Variants in PARN observed in about 807,000 individuals in gnomAD.
PARN encodes poly(A)-specific ribonuclease, also known as poly(A)-specific ribonuclease PARN.
Under a neutral mutation model 102.8 loss-of-function variants are expected in PARN, and 71 were observed. That is an observed-to-expected ratio of 0.69 (90% CI 0.57 to 0.84). PARN has a LOEUF of 0.84. PARN is among the 40% of genes least tolerant of loss of function. PARN has a pLI of 0.00. For synonymous variants in PARN, 261 were observed against 252.9 expected (o/e 1.03, Z -0.30); for missense variants, 782 against 760.9 (o/e 1.03, Z -0.33).
In PARN at chr16:14,617,663, A is replaced by T; in HGVS notation, c.328-13T>A. On this transcript the variant is annotated splice_polypyrimidine_tract_variant and intron_variant, in intron 5 of 23. Transcript: ENST00000437198. Reference sequence around the variant, plus strand: ...CAATGCTGGAGCTCTGAAACAGAGTAAACAGAACACATGTTTTGGGGATGT... The same window carrying T: ...CAATGCTGGAGCTCTGAAACAGAGTTAACAGAACACATGTTTTGGGGATGT... 6.5e-7 allele frequency: 1 copy of T among 1,538,078 alleles called. No homozygotes were observed. The highest frequency in any genetic ancestry group is 1.1e-5 in the South Asian group (1 of 89,548).
intron 22 of PARN, among the ~76,000 whole-genome samples, chr16:14,455,977 T>C (rs2151566973): frequency 6.6e-6 from 1 of 152,356 alleles, no homozygotes; most frequent in South Asian, 2.1e-4. Context: ...TTGACTCATT[T>C]TTCTCACAAT....
intron 18 of PARN, among the ~76,000 whole-genome samples, chr16:14,570,891 A>G (rs1463319424): frequency 6.6e-6 from 1 of 151,632 alleles, no homozygotes; most frequent in Non-Finnish European, 1.5e-5. Flanking sequence ...AGGCTGAGGC[A>G]GAAGGATCAT....
chr16:14,609,675 T>C (rs954644203), intron 7 of PARN, among the ~76,000 whole-genome samples: 3 of 152,210 alleles, frequency 2.0e-5, no homozygotes, highest in African/African-American at 7.2e-5. Flanking sequence ...GACTCGTCAA[T>C]ACAAGTGATT....
chr16:14,580,887 G>T lies in PARN; in HGVS notation c.1249C>A (p.Pro417Thr), dbSNP rs765573306. 14 of 1,604,016 alleles carry T rather than the reference G, an allele frequency of 8.7e-6. No individual in the cohort carries two copies. The highest frequency in any genetic ancestry group is 4.4e-5 in the South Asian group (4 of 90,750). ...CTGATTACTTACTTGTTAAAAAAAGGTTCAATGAGTTTTGATCTGGCAGAC... is the reference window on the plus strand; with the variant it reads ...CTGATTACTTACTTGTTAAAAAAAGTTTCAATGAGTTTTGATCTGGCAGAC... ...HVSARSKLIE[P>T]FFNKLFLMRV... The change falls in exon 18 of 24, where the codon CCT (proline) becomes ACT (threonine). Residue 417 changes from proline to threonine, a missense_variant. Physicochemically the swap from Pro to Thr is conservative, Grantham distance 38. Coordinates refer to ENST00000437198, the MANE Select transcript of PARN (RefSeq NM_002582.4).
At chr16:14,497,322 T>C (rs1321915540) in intron 21 of PARN, among the ~76,000 whole-genome samples, 1 of 152,186 alleles carries the variant, frequency 6.6e-6, no homozygotes, top group East Asian at 1.9e-4. Context: ...AAAAGGTTAA[T>C]CAACAAAAGA....
intron 12 of PARN, among the ~76,000 whole-genome samples, chr16:14,594,747 T>C (rs554635090): frequency 9.9e-5 from 15 of 152,158 alleles, no homozygotes; most frequent in Non-Finnish European, 1.8e-4. Flanking sequence ...GATGGAGCTT[T>C]TACTATAACC....
At position 14,460,513 on chromosome 16, in the gene PARN, T is replaced by C. The variant is rs183561558; in HGVS notation, c.1671-13432A>G. Among the ~76,000 whole-genome samples, 89 of 152,330 alleles carry C rather than the reference T, an allele frequency of 5.8e-4. 1 individual carries two copies. Among genetic ancestry groups the C allele is most frequent in the African/African-American group, 2.1e-3 (86 of 41,584 alleles). The stretch of plus-strand genomic sequence containing the variant: ...AAGTTTGAATCATCTTCCAAAGGGT[T>C]GTCCTTTGCACTCTAAAGGTGTTCT... On this transcript the variant is annotated intron_variant, in intron 22 of 23. Coordinates refer to ENST00000437198, the MANE Select transcript of PARN (RefSeq NM_002582.4).
intron 21 of PARN, among the ~76,000 whole-genome samples, chr16:14,512,982 C>T (rs1485629130): frequency 6.6e-6 from 1 of 152,044 alleles, no homozygotes; most frequent in Admixed American, 6.6e-5. Flanking sequence ...AGTGCAGTGG[C>T]GTGATCTTGG....
At position 14,627,092 on chromosome 16, in the gene PARN, A is replaced by G. The variant is rs769353592; in HGVS notation, c.327+14T>C. On this transcript the variant is annotated intron_variant, in intron 5 of 23. Coordinates refer to ENST00000437198, the MANE Select transcript of PARN (RefSeq NM_002582.4). ...AGCAATTCAGAAAAGAAAAATCTCA[A>G]TTATGCTACTTACCTGACAAACAAA... The G allele has an allele frequency of 1.3e-6, 2 of 1,487,664 alleles. No individual in the cohort carries two copies. The highest frequency in any genetic ancestry group is 2.3e-5 in the East Asian group (1 of 44,190). The allele number at this position is 1,487,664 out of a possible 1,614,324, so 92.2% of individuals were successfully genotyped here.
chr16:14,617,657 C>A lies in PARN; in HGVS notation c.328-7G>T, dbSNP rs1972011983. 6.4e-7 allele frequency: 1 copy of A among 1,561,662 alleles called. No individual in the cohort carries two copies. The highest frequency in any genetic ancestry group is 8.8e-7 in the Non-Finnish European group (1 of 1,132,340). On this transcript the variant is annotated splice_region_variant and splice_polypyrimidine_tract_variant and intron_variant, in intron 5 of 23. Coordinates refer to ENST00000437198, the MANE Select transcript of PARN (RefSeq NM_002582.4). ...GAAAGTCAATGCTGGAGCTCTGAAACAGAGTAAACAGAACACATGTTTTGG... is the reference window on the plus strand; with the variant it reads ...GAAAGTCAATGCTGGAGCTCTGAAAAAGAGTAAACAGAACACATGTTTTGG...
At chr16:14,489,963 G>A (rs1286890977) in intron 21 of PARN, among the ~76,000 whole-genome samples, 1 of 152,236 alleles carries the variant, frequency 6.6e-6, no homozygotes, top group African/African-American at 2.4e-5. Flanking sequence ...GAGTCCAGCA[G>A]TTCAAGACCA....
At chr16:14,613,035 C>G (rs192954471) in intron 6 of PARN, among the ~76,000 whole-genome samples, 1 of 151,036 alleles carries the variant, frequency 6.6e-6, no homozygotes, top group African/African-American at 2.4e-5. Context: ...GGGGACGGGG[C>G]GCGGTGGCTC....
intron 22 of PARN, among the ~76,000 whole-genome samples, chr16:14,469,168 AT>A (rs1962561214): frequency 6.6e-6 from 1 of 151,352 alleles, no homozygotes; most frequent in South Asian, 2.1e-4. Context: ...GTGGTGGCAC[AT>A]GCCTATAATC....
At chr16:14,515,773 A>T (rs1048914908) in intron 21 of PARN, among the ~76,000 whole-genome samples, 2 of 146,526 alleles carry the variant, frequency 1.4e-5, no homozygotes, top group South Asian at 2.2e-4. Flanking sequence ...CTGTGTCTTA[A>T]TTTTTTTTTT....
intron 22 of PARN, among the ~76,000 whole-genome samples, chr16:14,481,000 C>G (rs1231675275): frequency 6.6e-6 from 1 of 151,868 alleles, no homozygotes; most frequent in Non-Finnish European, 1.5e-5. Context: ...GCATGAAATG[C>G]TGACAAGGAT....
intron 21 of PARN, among the ~76,000 whole-genome samples, chr16:14,520,867 C>T (rs1298704751): frequency 6.6e-6 from 1 of 152,160 alleles, no homozygotes; most frequent in African/African-American, 2.4e-5. Context: ...TGAGTACAGA[C>T]TTGTCACTAT....
intron 18 of PARN, among the ~76,000 whole-genome samples, chr16:14,557,390 C>G (rs538700790): frequency 6.6e-6 from 1 of 151,788 alleles, no homozygotes. Flanking sequence ...AATCCCGTCT[C>G]TACTAAAAAT....
intron 12 of PARN, among the ~76,000 whole-genome samples, chr16:14,598,109 A>C (rs1345283480): frequency 6.6e-6 from 1 of 151,982 alleles, no homozygotes; most frequent in East Asian, 1.9e-4. Context: ...GCGCCACTGC[A>C]CTCCAGCAGG....
chr16:14,462,650 G>A (rs950064141), intron 22 of PARN, among the ~76,000 whole-genome samples: 1 of 150,736 alleles, frequency 6.6e-6, no homozygotes, highest in African/African-American at 2.4e-5. Flanking sequence ...GAGACAGAGA[G>A]AGAAGAAGAA....
Sources: allele counts gnomAD v4.1 joint callset (sites outside exome capture counted in the v4.1 genomes callset), GRCh38; gene constraint gnomAD v4.1.1; transcripts MANE v1.5; gene names NCBI Gene and HGNC (gene_info 2026-07-23, HGNC 2026-07-21).